The following GRAMD4 variants were observed in gnomAD, a reference collection of about 807,000 sequenced individuals.
GRAMD4 encodes the protein GRAM domain containing 4.
GRAMD4 carries 25 observed loss-of-function variants against 83.9 expected under a neutral mutation model. The observed-to-expected ratio is 0.30, with a 90% confidence interval of 0.22 to 0.42. The LOEUF (loss-of-function observed/expected upper bound fraction) is 0.42, where lower values mean the gene tolerates loss of function less well. GRAMD4 is among the 10% of genes least tolerant of loss of function. The probability of loss-of-function intolerance (pLI) is 1.00; values close to 1 mark genes in which losing one functional copy is unlikely to be tolerated. For synonymous variants in GRAMD4, 336 were observed against 320.9 expected (o/e 1.05, Z -0.50); for missense variants, 593 against 788.7 (o/e 0.75, Z 2.97).
At chr22:46,677,074 A>C in intron 18 of GRAMD4, 73 bp from the exon 19 acceptor site, 1 of 1,576,550 alleles carries the variant, frequency 6.3e-7, no homozygotes, top group South Asian at 1.1e-5. Flanking sequence ...CTGGTGTTGG[A>C]CTTCGTCTCG....
In GRAMD4 at chr22:46,678,331, C is replaced by T. The variant is rs1011363413; in HGVS notation, c.*1080C>T. On this transcript the variant is annotated 3_prime_UTR_variant, in exon 19 of 19. Transcript: ENST00000406902. ...CAGAGGCCTGGGCCTGCACTGCCTG[C>T]AGCCGACATGCGACAGCGTTCCCTC... The T allele has an allele frequency of 2.0e-6, 2 of 985,400 alleles. No individual in the cohort carries two copies. The highest frequency in any genetic ancestry group is 6.1e-5 in the Admixed American group (1 of 16,276). The allele number at this position is 985,400 out of a possible 1,614,324, so 61.0% of individuals were successfully genotyped here.
rs553428424 is a variant in GRAMD4, at chr22:46,638,344, T to C, written c.283+384T>C. Among the ~76,000 whole-genome samples, 10 of 152,388 alleles carry C rather than the reference T, an allele frequency of 6.6e-5. No homozygotes were observed. The South Asian group carries it at 2.1e-3, about 32-fold the overall frequency. ...CATTCCCAGTGGGTGGCTCGGACTT[T>C]TTCAGAGCTTTTGGAAGGACTCTGA... On this transcript the variant is annotated intron_variant, in intron 3 of 18. Coordinates refer to ENST00000406902, the MANE Select transcript of GRAMD4 (RefSeq NM_015124.5).
In GRAMD4 at chr22:46,621,534, TGCAGGC is replaced by T. The variant is rs2081575294; in HGVS notation, c.-50+976_-50+981del. On this transcript the variant is annotated intron_variant, in intron 1 of 18. Coordinates refer to ENST00000406902, the MANE Select transcript of GRAMD4 (RefSeq NM_015124.5). The surrounding 1 kb of genome is among the most constrained non-coding windows in gnomAD (Gnocchi z 5.8). ...GTCGCGGAGGGCACCCCTACCCCGGTGCAGGCGCAGGCTGGAGGCGTAGCCCGGGCC... is the reference window on the plus strand; with the variant it reads ...GTCGCGGAGGGCACCCCTACCCCGGTGCAGGCTGGAGGCGTAGCCCGGGCC... 7.3e-6 allele frequency among the ~76,000 whole-genome samples: 1 copy of T among 136,494 alleles called. No homozygotes were observed. The highest frequency in any genetic ancestry group is 1.6e-5 in the Non-Finnish European group (1 of 63,302). 89.5% of individuals were successfully genotyped at this position (136,494 alleles called of 152,430 possible).
At chr22:46,612,427 A>G (rs2081427084) in intron 1 of GRAMD4, among the ~76,000 whole-genome samples, 1 of 152,180 alleles carries the variant, frequency 6.6e-6, no homozygotes, top group Non-Finnish European at 1.5e-5. Flanking sequence ...CCTTGGTGTC[A>G]GGAGTTGGTG....
intron 1 of GRAMD4, among the ~76,000 whole-genome samples, chr22:46,577,888 G>C (rs2081059958): frequency 1.3e-5 from 2 of 152,226 alleles, no homozygotes; most frequent in South Asian, 2.1e-4. Context: ...GCGCCTGCCA[G>C]AACGTGGGGT....
intron 10 of GRAMD4, 59 bp from the exon 11 acceptor site, chr22:46,668,037 A>G: frequency 8.1e-7 from 1 of 1,228,276 alleles, no homozygotes; most frequent in South Asian, 1.2e-5. Flanking sequence ...CTGTTTTGTC[A>G]GTGGTTTTTC....
In GRAMD4 at chr22:46,668,787, G is replaced by GT; in HGVS notation, c.975-11dup. On this transcript the variant is annotated splice_polypyrimidine_tract_variant and intron_variant, in intron 12 of 18. Transcript: ENST00000406902. ...GGCGCCCGCCCGGCCTGAGCCTCCCGTCTCCTTCCAGCTTGTTCATGTGGG... is the reference window on the plus strand; with the variant it reads ...GGCGCCCGCCCGGCCTGAGCCTCCCGTTCTCCTTCCAGCTTGTTCATGTGGG... The GT allele has an allele frequency of 6.2e-7, 1 of 1,602,130 alleles. No individual in the cohort carries two copies. The highest frequency in any genetic ancestry group is 8.5e-7 in the Non-Finnish European group (1 of 1,172,098).
chr22:46,617,144 G>A (rs1272207751), upstream of GRAMD4, among the ~76,000 whole-genome samples: 3 of 148,012 alleles, frequency 2.0e-5, no homozygotes, highest in Admixed American at 6.7e-5. Flanking sequence ...GTTCCCCTGT[G>A]TGTGTAGGTT....
chr22:46,629,023 A>ATG (rs1346471161), intron 2 of GRAMD4, among the ~76,000 whole-genome samples: 1 of 151,952 alleles, frequency 6.6e-6, no homozygotes, highest in Non-Finnish European at 1.5e-5. Context: ...GTAGGGGCAA[A>ATG]TGCTGCAGAG....
intron 17 of GRAMD4, 39 bp from the exon 18 acceptor site, chr22:46,676,561 A>C (rs2082601242): frequency 6.5e-7 from 1 of 1,536,342 alleles, no homozygotes; most frequent in African/African-American, 1.4e-5. Flanking sequence ...CCCTGTCCCC[A>C]GGAGAGACCT....
intron 4 of GRAMD4, among the ~76,000 whole-genome samples, chr22:46,660,893 A>T (rs545338460): frequency 1.3e-5 from 2 of 152,232 alleles, no homozygotes; most frequent in South Asian, 4.1e-4. Context: ...TGGGTGTGGG[A>T]CGGAAGCAGA....
At chr22:46,601,423 G>T (rs1223018620) in intron 1 of GRAMD4, among the ~76,000 whole-genome samples, 1 of 152,028 alleles carries the variant, frequency 6.6e-6, no homozygotes, top group Non-Finnish European at 1.5e-5. Flanking sequence ...TCTTAGGCAA[G>T]ATTCTCTGCC....
chr22:46,631,188 C>G (rs2081770567), intron 2 of GRAMD4, among the ~76,000 whole-genome samples: 1 of 152,244 alleles, frequency 6.6e-6, no homozygotes, highest in African/African-American at 2.4e-5. Context: ...TTTTCATTTT[C>G]ACTGTCAGTG....
intron 2 of GRAMD4, among the ~76,000 whole-genome samples, chr22:46,629,848 C>T (rs746988519): frequency 2.3e-4 from 35 of 152,204 alleles, no homozygotes; most frequent in Non-Finnish European, 4.4e-4. Flanking sequence ...TGCCAGCCTG[C>T]TTTCTGTCGA....
rs1569300752 is a variant in GRAMD4, at chr22:46,665,718, GGTTTGTTGCAGCT to G, written c.809+14_809+26del. On this transcript the variant is annotated intron_variant, in intron 9 of 18. Transcript: ENST00000406902. ...TACCTCATCGCCAGGTAGGTGAGCC[GGTTTGTTGCAGCT>G]GCTTTATCCCACCGCATGTATGGCT... 7.0e-7 allele frequency: 1 copy of G among 1,437,478 alleles called. No individual in the cohort carries two copies. The highest frequency in any genetic ancestry group is 1.7e-5 in the Admixed American group (1 of 59,742). 89.0% of individuals were successfully genotyped at this position (1,437,478 alleles called of 1,614,324 possible). A position where few individuals can be genotyped will look rare whatever the true frequency, so the allele number is the denominator to read the frequency against.
At chr22:46,660,919 A>AGTGCC (rs2082317372) in intron 4 of GRAMD4, among the ~76,000 whole-genome samples, 1 of 152,208 alleles carries the variant, frequency 6.6e-6, no homozygotes, top group African/African-American at 2.4e-5. Flanking sequence ...GTGGCCGTCT[A>AGTGCC]GTGCCCCTGC....
intron 1 of GRAMD4, among the ~76,000 whole-genome samples, chr22:46,613,155 G>A (rs557722900): frequency 1.6e-4 from 24 of 152,378 alleles, no homozygotes; most frequent in South Asian, 1.2e-3. Flanking sequence ...GAGTAGGGCT[G>A]TGTTTTTGCT....
At chr22:46,673,627 C>T (rs779635362) in intron 14 of GRAMD4, 43 bp from the exon 15 acceptor site, 10 of 1,593,558 alleles carry the variant, frequency 6.3e-6, no homozygotes, top group Admixed American at 1.7e-5. Context: ...GTGCTGCAGG[C>T]GTGGGCAGCG....
chr22:46,612,737 A>G (rs1430427357), intron 1 of GRAMD4, among the ~76,000 whole-genome samples: 2 of 152,216 alleles, frequency 1.3e-5, no homozygotes, highest in African/African-American at 4.8e-5. Flanking sequence ...TTAGGGCTGG[A>G]TCACGGATGG....
Sources: gnomAD v4.1 joint callset for allele counts (sites outside exome capture counted in the v4.1 genomes callset) on GRCh38, gnomAD v4.1.1 for gene constraint, Gnocchi (gnomAD v3.1) non-coding constraint, MANE v1.5 for transcripts, NCBI Gene and HGNC (gene_info 2026-07-23, HGNC 2026-07-21) for gene names.